FRMD4A: variants seen among roughly 807,000 people sequenced by gnomAD.
FRMD4A encodes FERM domain containing 4A.
FRMD4A carries 29 observed loss-of-function variants against 129.1 expected under a neutral mutation model. That is an observed-to-expected ratio of 0.22 (90% confidence interval 0.17 to 0.31). The LOEUF is 0.31. Ranked by LOEUF, FRMD4A falls within the 10% of genes least tolerant of loss-of-function variation. The pLI is 1.00. For missense variants in FRMD4A, 1,272 were observed against 1,375.8 expected, an observed-to-expected ratio of 0.92 and a Z score of 1.19; for synonymous variants, 634 against 571.6, an observed-to-expected ratio of 1.11 and a Z score of -1.56.
intron 12 of FRMD4A, among the ~76,000 whole-genome samples, chr10:13,718,150 G>A (rs556326756): frequency 6.6e-6 from 1 of 152,224 alleles, no homozygotes; most frequent in Non-Finnish European, 1.5e-5. Context: ...CCTTGGTTTC[G>A]GTGGGCACCA....
intron 2 of FRMD4A, among the ~76,000 whole-genome samples, chr10:14,254,835 G>A (rs918621962): frequency 6.6e-5 from 10 of 152,040 alleles, no homozygotes; most frequent in Non-Finnish European, 8.8e-5. Flanking sequence ...GGGAAGAGTA[G>A]ATAAGGTAGT....
intron 2 of FRMD4A, among the ~76,000 whole-genome samples, chr10:14,301,710 A>G (rs1006244905): frequency 6.6e-6 from 1 of 152,224 alleles, no homozygotes; most frequent in Non-Finnish European, 1.5e-5. Flanking sequence ...TTTTTCTATA[A>G]GAAAACATGT....
intron 2 of FRMD4A, among the ~76,000 whole-genome samples, chr10:14,060,049 C>T (rs191242040): frequency 1.3e-5 from 2 of 152,192 alleles, no homozygotes; most frequent in Non-Finnish European, 2.9e-5. Context: ...ACAGTCTATA[C>T]CTTTAACTAC....
chr10:14,060,864 C>A (rs1045655601), intron 2 of FRMD4A, among the ~76,000 whole-genome samples: 2 of 151,916 alleles, frequency 1.3e-5, no homozygotes, highest in African/African-American at 2.4e-5. Context: ...ATAACAAAGC[C>A]AAAAATAATA....
chr10:13,957,874 A>G (rs1314837980), intron 2 of FRMD4A, among the ~76,000 whole-genome samples: 1 of 151,948 alleles, frequency 6.6e-6, no homozygotes, highest in African/African-American at 2.4e-5. Flanking sequence ...TTGATTACAT[A>G]CGGCGACTAG....
At chr10:14,039,414 CT>C (rs1344915716) in intron 2 of FRMD4A, among the ~76,000 whole-genome samples, 31 of 151,244 alleles carry the variant, frequency 2.0e-4, no homozygotes, top group African/African-American at 4.7e-4. Flanking sequence ...ATCCATCTAT[CT>C]ATCTATCTAT....
At chr10:13,920,627 T>C (rs2095060415) in intron 2 of FRMD4A, among the ~76,000 whole-genome samples, 1 of 152,196 alleles carries the variant, frequency 6.6e-6, no homozygotes, top group South Asian at 2.1e-4. Flanking sequence ...ACCACTTGTG[T>C]CGAAAGGGTA....
At chr10:14,263,407 C>T (rs1005089688) in intron 2 of FRMD4A, among the ~76,000 whole-genome samples, 1 of 152,204 alleles carries the variant, frequency 6.6e-6, no homozygotes, top group African/African-American at 2.4e-5. Flanking sequence ...CCCAAATTTC[C>T]GTCGTCTTCC....
chr10:13,798,592 C>T (rs1158390195), intron 4 of FRMD4A, among the ~76,000 whole-genome samples: 1 of 152,184 alleles, frequency 6.6e-6, no homozygotes, highest in Admixed American at 6.6e-5. Flanking sequence ...TGGCAGGCGC[C>T]TGTAGTCCCA....
chr10:13,664,931 G>C (rs938750706), intron 18 of FRMD4A, among the ~76,000 whole-genome samples: 5 of 152,058 alleles, frequency 3.3e-5, no homozygotes, highest in African/African-American at 1.2e-4. Flanking sequence ...TGCCCAGGCT[G>C]GAGTGCAATG....
At chr10:13,687,213 G>A (rs1399305085) in intron 15 of FRMD4A, among the ~76,000 whole-genome samples, 2 of 152,116 alleles carry the variant, frequency 1.3e-5, no homozygotes, top group Non-Finnish European at 2.9e-5. Context: ...GAGAATCGCA[G>A]ATAACCCGGG....
intron 3 of FRMD4A, among the ~76,000 whole-genome samples, chr10:13,845,540 G>C (rs936880008): frequency 1.3e-5 from 2 of 152,184 alleles, no homozygotes; most frequent in Non-Finnish European, 2.9e-5. Context: ...CAAAAGCCAA[G>C]GTAGTTAACA....
In FRMD4A at chr10:13,782,828, A is replaced by C. The variant is rs1185962780; in HGVS notation, c.384+94T>G. The C allele has an allele frequency of 1.1e-5, 8 of 741,664 alleles. No homozygotes were observed. The African/African-American group carries it at 1.2e-4, about 11-fold the overall frequency. The allele number at this position is 741,664 out of a possible 1,614,324, so 45.9% of individuals were successfully genotyped here. A position where few individuals can be genotyped will look rare whatever the true frequency, so the allele number is the denominator to read the frequency against. On this transcript the variant is annotated intron_variant, in intron 6 of 24. Coordinates refer to ENST00000357447, the MANE Select transcript of FRMD4A (RefSeq NM_018027.5). ...AATTTATAAATGACTTCTCCTAATC[A>C]ATAAAATGGCCTAAGGGGTAACACT... is the stretch of plus-strand genomic sequence containing the variant.
chr10:14,120,239 A>G (rs1356897543), intron 2 of FRMD4A, among the ~76,000 whole-genome samples: 2 of 149,916 alleles, frequency 1.3e-5, no homozygotes, highest in Admixed American at 6.6e-5. Context: ...CTTTACGTAC[A>G]CTGCTTTTTT....
chr10:13,966,637 G>T (rs116961903), intron 2 of FRMD4A, among the ~76,000 whole-genome samples: 3,633 of 152,324 alleles, frequency 0.024, 100 homozygotes, highest in East Asian at 0.086. Context: ...GGGGCCGAGT[G>T]CTGTTTAGAG....
chr10:14,251,205 G>C (rs978289482), intron 2 of FRMD4A, among the ~76,000 whole-genome samples: 1 of 152,124 alleles, frequency 6.6e-6, no homozygotes, highest in Non-Finnish European at 1.5e-5. Flanking sequence ...CTATTAATTA[G>C]AAACAAATCA....
chr10:14,053,255 C>G (rs538286383), intron 2 of FRMD4A, among the ~76,000 whole-genome samples: 1 of 152,124 alleles, frequency 6.6e-6, no homozygotes, highest in Admixed American at 6.5e-5. Context: ...TAGCATAGAC[C>G]CTTGGCACTG....
At chr10:14,185,708 C>G (rs76254636) in intron 2 of FRMD4A, among the ~76,000 whole-genome samples, 5 of 152,084 alleles carry the variant, frequency 3.3e-5, no homozygotes, top group Admixed American at 6.5e-5. Flanking sequence ...ACAGTGGCAC[C>G]TTCAGTAGTT....
chr10:14,195,498 A>C (rs1842447081), intron 2 of FRMD4A, among the ~76,000 whole-genome samples: 1 of 152,112 alleles, frequency 6.6e-6, no homozygotes, highest in African/African-American at 2.4e-5. Context: ...TAGAGACTGA[A>C]AACTACCTGT....
Sources: gnomAD v4.1 joint callset for allele counts (sites outside exome capture counted in the v4.1 genomes callset) on GRCh38, gnomAD v4.1.1 for gene constraint, MANE v1.5 for transcripts, NCBI Gene and HGNC (gene_info 2026-07-23, HGNC 2026-07-21) for gene names.